The following GPN3 variants were observed in gnomAD, a reference collection of about 807,000 sequenced individuals.
GPN3 encodes GPN-loop GTPase 3.
Under a neutral mutation model 38.7 loss-of-function variants are expected in GPN3, and 31 were observed. The observed-to-expected ratio is 0.80, with a 90% CI of 0.60 to 1.08. The LOEUF is 1.08. Among genes scored for constraint, GPN3 ranks in the 50% least tolerant of loss-of-function variants. The pLI is 0.00. For missense variants in GPN3, 301 were observed against 354.4 expected (o/e 0.85, Z 1.21); for synonymous variants, 116 against 120.2 (o/e 0.96, Z 0.23).
In GPN3 at chr12:110,468,200, G is replaced by C; in HGVS notation, c.4C>G (p.Pro2Ala). ...CCCATGACCAGCTGCGCATACCGAG[G>C]CATGTTGGCTCCCGGAGCCGCCCGC... M[P>A]RYAQLVMGPA... The change falls in exon 1 of 8, where the codon CCT becomes GCT. Residue 2 changes from proline to alanine, a missense_variant. Physicochemically the swap from Pro to Ala is conservative, Grantham distance 27. Transcript: ENST00000228827. The C allele has an allele frequency of 1.2e-6, 2 of 1,607,790 alleles. No individual in the cohort carries two copies. Among genetic ancestry groups the C allele is most frequent in the Non-Finnish European group, 8.5e-7 (1 of 1,179,938 alleles).
In GPN3 at chr12:110,465,099, G is replaced by T; in HGVS notation, c.157+7C>A. On this transcript the variant is annotated splice_region_variant and intron_variant, in intron 2 of 7. Coordinates refer to ENST00000228827, the MANE Select transcript of GPN3 (RefSeq NM_016301.4). ...GAAGGTGGGGGGAGCCTTTGCTCAG[G>T]ACTTACCAGCCATCACGGAGTAGTT... 6.7e-7 allele frequency: 1 copy of T among 1,492,110 alleles called. No homozygotes were observed. The highest frequency in any genetic ancestry group is 9.4e-7 in the Non-Finnish European group (1 of 1,068,624). The allele number at this position is 1,492,110 out of a possible 1,614,324, so 92.4% of individuals were successfully genotyped here.
At chr12:110,462,849 C>T (rs765902410) in intron 2 of GPN3, among the ~76,000 whole-genome samples, 10 of 152,312 alleles carry the variant, frequency 6.6e-5, no homozygotes, top group South Asian at 2.1e-4. Flanking sequence ...CTCCGCCTCC[C>T]GGGTGCACGC....
At chr12:110,454,119 A>G (rs1010306645) in intron 6 of GPN3, among the ~76,000 whole-genome samples, 2 of 152,186 alleles carry the variant, frequency 1.3e-5, no homozygotes, top group Non-Finnish European at 2.9e-5. Context: ...ATTTATCTGA[A>G]TTCAACAACC....
Position 110,452,909 on chromosome 12 carries a change from TAAAG to T in GPN3, c.*121_*124del, listed in dbSNP as rs567787721. 5.4e-5 allele frequency: 37 copies of T among 684,908 alleles called. No homozygotes were observed. The highest frequency in any genetic ancestry group is 3.9e-4 in the African/African-American group (22 of 55,848). The allele number at this position is 684,908 out of a possible 1,614,324, so 42.4% of individuals were successfully genotyped here. ...AAATTTGATTCAGGCATGAGGCTGA[TAAAG>T]AACGAAGTTTTACTTTTTTTCATTA... On this transcript the variant is annotated 3_prime_UTR_variant, in exon 8 of 8. Transcript: ENST00000228827.
chr12:110,454,762 A>G (rs1175749875), intron 6 of GPN3, among the ~76,000 whole-genome samples: 1 of 151,776 alleles, frequency 6.6e-6, no homozygotes, highest in Non-Finnish European at 1.5e-5. Flanking sequence ...TCCCAGGCTC[A>G]AGGGATCCTC....
chr12:110,463,860 C>T (rs2062609355), intron 2 of GPN3, among the ~76,000 whole-genome samples: 3 of 151,936 alleles, frequency 2.0e-5, no homozygotes, highest in Admixed American at 1.3e-4. Flanking sequence ...TGGCACCCCA[C>T]TGACAACAGG....
chr12:110,455,243 G>A lies in GPN3; in HGVS notation c.663+343C>T, dbSNP rs2062541685. 2.6e-5 allele frequency among the ~76,000 whole-genome samples: 4 copies of A among 151,466 alleles called. No individual in the cohort carries two copies. In the South Asian group the frequency reaches 8.3e-4, roughly 32 times the overall value. On this transcript the variant is annotated intron_variant, in intron 6 of 7. Transcript: ENST00000228827. ...AGTTCAAGTGATTCTCCTGTCTCAG[G>A]CTCCCGAGTACTAGGATTACAGGCG...
chr12:110,453,244 A>T (rs1566300904), intron 7 of GPN3, 148 bp from the exon 8 acceptor site: 1 of 503,694 alleles, frequency 2.0e-6, no homozygotes, highest in Admixed American at 3.7e-5. Context: ...AACTGTTAAT[A>T]GTAAGAAAAG....
chr12:110,464,943 C>T, intron 2 of GPN3, 163 bp downstream of exon 2: 1 of 625,230 alleles, frequency 1.6e-6, no homozygotes, highest in Non-Finnish European at 2.9e-6. Flanking sequence ...TACTGTCACA[C>T]ATATCACCAT....
At chr12:110,460,306 T>C (rs1490141735) in intron 2 of GPN3, among the ~76,000 whole-genome samples, 1 of 152,206 alleles carries the variant, frequency 6.6e-6, no homozygotes. Context: ...GGGGAGCTGA[T>C]TGCTGGGATG....
chr12:110,461,379 C>A, intron 2 of GPN3: 33 of 506,900 alleles, frequency 6.5e-5, no homozygotes, highest in East Asian at 1.2e-4. Context: ...TCGTCAAATA[C>A]ATCAAATAAA....
chr12:110,465,028 T>A, intron 2 of GPN3, 78 bp downstream of exon 2: 1 of 796,364 alleles, frequency 1.3e-6, no homozygotes, highest in Non-Finnish European at 2.3e-6. Context: ...TAAGTATCAG[T>A]GCTAAGCAGC....
rs180872273 is a variant in GPN3, at chr12:110,458,639, G to T, written c.326-1005C>A. Among the ~76,000 whole-genome samples, 5 of 152,192 alleles carry T rather than the reference G, an allele frequency of 3.3e-5. No homozygotes were observed. Among genetic ancestry groups the T allele is most frequent in the Admixed American group, 2.0e-4 (3 of 15,266 alleles). ...CTACTAAAAATACAAAAATAGCCGG[G>T]TGTGGTGGTGGGTGCCTGTAATCCC... is the stretch of plus-strand genomic sequence containing the variant. On this transcript the variant is annotated intron_variant, in intron 3 of 7. Transcript: ENST00000228827. This position sits in a 1 kb window ranked among gnomAD's most constrained non-coding sequence, Gnocchi z 4.4.
At position 110,457,646 on chromosome 12, in the gene GPN3, G is replaced by A. The variant is rs1234304360; in HGVS notation, c.326-12C>T. The A allele has an allele frequency of 2.6e-6, 4 of 1,565,448 alleles. No individual in the cohort carries two copies. The East Asian group carries it at 9.0e-5, about 35-fold the overall frequency. On this transcript the variant is annotated splice_polypyrimidine_tract_variant and intron_variant, in intron 3 of 7. Transcript: ENST00000228827. ...CAACTCAATCTGACCTACATGAAGAGTATTGCAAGAATTTTAGAAATAGCA... is the reference window on the plus strand; with the variant it reads ...CAACTCAATCTGACCTACATGAAGAATATTGCAAGAATTTTAGAAATAGCA...
At chr12:110,460,408 A>G (rs899288432) in intron 2 of GPN3, among the ~76,000 whole-genome samples, 1 of 152,198 alleles carries the variant, frequency 6.6e-6, no homozygotes, top group African/African-American at 2.4e-5. Context: ...ATTCCAAAAA[A>G]GTACAAAACC....
At chr12:110,453,137 C>T (rs373767119) in intron 7 of GPN3, 41 bp from the exon 8 acceptor site, 2 of 963,962 alleles carry the variant, frequency 2.1e-6, no homozygotes, top group South Asian at 1.3e-5. Context: ...ATATTCATTT[C>T]CCCTCAGTCA....
At chr12:110,455,730 A>T in intron 5 of GPN3, 48 bp from the exon 6 acceptor site, 1 of 1,045,380 alleles carries the variant, frequency 9.6e-7, no homozygotes, top group Non-Finnish European at 1.5e-6. Flanking sequence ...AGGTTTATAA[A>T]CCAGCCAAAC....
chr12:110,453,715 C>G (rs1471107598), intron 7 of GPN3, 28 bp downstream of exon 7: 1 of 1,587,258 alleles, frequency 6.3e-7, no homozygotes, highest in South Asian at 1.1e-5. Flanking sequence ...TTATCAAAAG[C>G]TAACAAACAC....
intron 2 of GPN3, chr12:110,460,856 C>CCGGA: frequency 1.6e-6 from 1 of 619,292 alleles, no homozygotes; most frequent in Non-Finnish European, 2.9e-6. Flanking sequence ...TCTAGCCACT[C>CCGGA]CGGAGGCTGA....
Sources: gnomAD v4.1 joint callset for allele counts (sites outside exome capture counted in the v4.1 genomes callset) on GRCh38, gnomAD v4.1.1 for gene constraint, Gnocchi (gnomAD v3.1) non-coding constraint, MANE v1.5 for transcripts, NCBI Gene and HGNC (gene_info 2026-07-23, HGNC 2026-07-21) for gene names.